The following SLC3A2 variants were observed in gnomAD, a reference collection of about 807,000 sequenced individuals.
SLC3A2 encodes the protein amino acid transporter heavy chain SLC3A2.
A neutral mutation model predicts 48.5 loss-of-function variants in SLC3A2; 32 were observed. The ratio of observed to expected loss-of-function variants is 0.66; its 90% CI spans 0.50 to 0.89. The LOEUF is 0.89. SLC3A2 is among the 40% of genes least tolerant of loss of function. The pLI is 0.00. For synonymous variants in SLC3A2, 277 were observed against 288.8 expected (o/e 0.96, Z 0.41); for missense variants, 587 against 680.7 (o/e 0.86, Z 1.53).
chr11:62,881,551 A>T lies in SLC3A2; in HGVS notation c.424+104A>T. 1 of 1,417,546 alleles carries T rather than the reference A, an allele frequency of 7.1e-7. No individual in the cohort carries two copies. Among genetic ancestry groups the T allele is most frequent in the Non-Finnish European group, 9.3e-7 (1 of 1,080,348 alleles). The allele number at this position is 1,417,546 out of a possible 1,614,324, so 87.8% of individuals were successfully genotyped here. ...ACGGATCTAGATGGTTCTTCCCTCC[A>T]TCCCGTACCGACGACTGTTCCCCCT... is the stretch of plus-strand genomic sequence containing the variant. On this transcript the variant is annotated intron_variant, in intron 1 of 8. Transcript: ENST00000338663. The surrounding 1 kb of genome is among the most constrained non-coding windows in gnomAD (Gnocchi z 4.0).
At chr11:62,870,852 AATAATTATTATTATT>A (rs1348605203) in intron 1 of SLC3A2, 9 of 111,604 alleles carry the variant, frequency 8.1e-5, no homozygotes, top group East Asian at 3.2e-4. Flanking sequence ...TAATAATAAT[AATAATTATTATTATT>A]ATTATTATTA....
Position 62,884,486 on chromosome 11 carries a change from C to A in SLC3A2, c.720C>A (p.Gly240=). The part of the protein sequence containing the change: ...KDALEFWLQA[G]VDGFQVRDIE... Reference sequence around the variant, plus strand: ...CTCTGGAGTTTTGGCTGCAAGCTGGCGTGGATGGGTTCCAGGTTCGGGACA... The same window carrying A: ...CTCTGGAGTTTTGGCTGCAAGCTGGAGTGGATGGGTTCCAGGTTCGGGACA... The change falls in exon 4 of 9, where the codon GGC becomes GGA. Residue 240 remains glycine (G), a synonymous_variant. Coordinates refer to ENST00000338663, the MANE Select transcript of SLC3A2 (RefSeq NM_001013251.3). 2 of 1,614,128 alleles carry A rather than the reference C, an allele frequency of 1.2e-6. No homozygotes were observed. Among genetic ancestry groups the A allele is most frequent in the Non-Finnish European group, 1.7e-6 (2 of 1,180,024 alleles).
At chr11:62,883,139 A>G in intron 3 of SLC3A2, 140 bp downstream of exon 3, 1 of 710,036 alleles carries the variant, frequency 1.4e-6, no homozygotes, top group Non-Finnish European at 2.5e-6. Flanking sequence ...GCCTCCTCCT[A>G]TAGCCAAAGG....
intron 1 of SLC3A2, among the ~76,000 whole-genome samples, chr11:62,859,676 A>G (rs1254656744): frequency 1.3e-5 from 2 of 152,188 alleles, no homozygotes; most frequent in African/African-American, 4.8e-5. Context: ...CTGGGGGACA[A>G]GAGTGAGTCT....
chr11:62,882,182 T>C, intron 2 of SLC3A2, 116 bp downstream of exon 2: 1 of 1,195,452 alleles, frequency 8.4e-7, no homozygotes, highest in Non-Finnish European at 1.2e-6. Context: ...CTAGGGCAGG[T>C]AGAGGGGAGA....
chr11:62,888,434 C>G lies in SLC3A2; in HGVS notation c.1331C>G (p.Ser444Cys). 6.2e-7 allele frequency: 1 copy of G among 1,614,248 alleles called. No individual in the cohort carries two copies. Among genetic ancestry groups the G allele is most frequent in the Non-Finnish European group, 8.5e-7 (1 of 1,180,046 alleles). ...SLLHGDFHAF[S>C]AGPGLFSYIR... ...CTGCATGGGGACTTCCACGCGTTCT[C>G]CGCTGGGCCTGGACTCTTCTCCTAT... Residue 444 changes from serine to cysteine, a missense_variant, in exon 9 of 9, where the codon TCC becomes TGC. Ser to Cys is a moderately radical substitution (Grantham distance 112). Transcript: ENST00000338663.
chr11:62,881,276 C>T lies in SLC3A2; in HGVS notation c.253C>T (p.Leu85=), dbSNP rs73487878. 6,103 of 1,589,912 alleles carry T rather than the reference C, an allele frequency of 3.8e-3. 188 individuals are homozygous for T. The African/African-American group carries it at 0.071, about 19-fold the overall frequency. ...CTGGGTACGCACCCGCTGGGCACTG[C>T]TGCTGCTCTTCTGGCTCGGCTGGCT... ...PGWVRTRWAL[L]LLFWLGWLGM... is the part of the protein sequence containing the mutation. The change falls in exon 1 of 9, where the codon CTG becomes TTG. Residue 85 remains leucine (L), a synonymous_variant. Transcript: ENST00000338663. The surrounding 1 kb of genome is among the most constrained non-coding windows in gnomAD (Gnocchi z 4.0).
chr11:62,866,559 C>G (rs753275963), intron 1 of SLC3A2, among the ~76,000 whole-genome samples: 1 of 151,940 alleles, frequency 6.6e-6, no homozygotes. Flanking sequence ...CCAAACCTGG[C>G]TAATTTTTGT....
chr11:62,873,437 C>A (rs905102524), intron 1 of SLC3A2, among the ~76,000 whole-genome samples: 1 of 150,856 alleles, frequency 6.6e-6, no homozygotes, highest in Admixed American at 6.6e-5. Flanking sequence ...TGCAGTGAGC[C>A]GAGATCGCAC....
At chr11:62,870,384 C>G (rs2085498498) in intron 1 of SLC3A2, among the ~76,000 whole-genome samples, 1 of 150,372 alleles carries the variant, frequency 6.7e-6, no homozygotes, top group Non-Finnish European at 1.5e-5. Flanking sequence ...GTTTTTTTTA[C>G]CATGTTGGCC....
At chr11:62,869,132 C>CA (rs952751265) in intron 1 of SLC3A2, among the ~76,000 whole-genome samples, 2 of 151,798 alleles carry the variant, frequency 1.3e-5, no homozygotes, top group African/African-American at 4.8e-5. Flanking sequence ...CTCCTGACCT[C>CA]AAGTGATCCA....
intron 1 of SLC3A2, among the ~76,000 whole-genome samples, chr11:62,873,098 T>C (rs1046844743): frequency 5.3e-5 from 8 of 151,452 alleles, no homozygotes; most frequent in African/African-American, 1.9e-4. Context: ...CTCAGCTTAC[T>C]GCACCCTCAA....
chr11:62,862,879 C>T (rs919507908), intron 1 of SLC3A2, among the ~76,000 whole-genome samples: 2 of 152,140 alleles, frequency 1.3e-5, no homozygotes, highest in African/African-American at 2.4e-5. Context: ...ATGCAAATGA[C>T]CAGTGCTTGT....
At chr11:62,856,145 C>A in exon 1 of SLC3A2, 1 of 700,686 alleles carries the variant, frequency 1.4e-6, no homozygotes, top group East Asian at 2.8e-5. Context: ...GTGCATGTGG[C>A]AGGAGCGGTG....
Position 62,882,052 on chromosome 11 carries a change from C to T in SLC3A2, c.584C>T (p.Ser195Leu), listed in dbSNP as rs1168689295. Residue 195 changes from serine to leucine, a missense_variant, in exon 2 of 9, where the codon TCG (serine) becomes TTG (leucine). Around this residue, in one of 3 missense-constraint regions of SLC3A2, gnomAD observed 409 missense variants for 446.7 expected, o/e 0.92. Transcript: ENST00000338663. The stretch of plus-strand genomic sequence containing the variant: ...GAAGATTTTGACAGTCTCTTGCAAT[C>T]GGCTAAAAAAAAGAGTGGGTATCCT... ...SKEDFDSLLQ[S>L]AKKKSIRVIL... is the part of the protein sequence containing the mutation. 1.9e-6 allele frequency: 3 copies of T among 1,613,736 alleles called. No individual in the cohort carries two copies. Among genetic ancestry groups the T allele is most frequent in the East Asian group, 2.2e-5 (1 of 44,878 alleles).
upstream of SLC3A2, chr11:62,880,699 A>C (rs1014228093): frequency 1.1e-5 from 3 of 269,458 alleles, no homozygotes; most frequent in Non-Finnish European, 2.1e-5. Context: ...TCCCAGAATC[A>C]GGTTGAAAAG....
rs1419871873 is a variant in SLC3A2, at chr11:62,884,534, CCTTTCCACATTAGGGACAAAG to C, written c.759+13_759+33del. On this transcript the variant is annotated intron_variant, in intron 4 of 8. Transcript: ENST00000338663. ...ACATAGAGAATCTGAAGGTGAGTTC[CCTTTCCACATTAGGGACAAAG>C]CTTGGGCGAGAACAGAGGGACTCAG... The C allele has an allele frequency of 2.5e-6, 4 of 1,614,082 alleles. No homozygotes were observed. The highest frequency in any genetic ancestry group is 1.7e-5 in the Admixed American group (1 of 59,992).
chr11:62,870,794 A>C (rs1167361634), intron 1 of SLC3A2: 1 of 217,358 alleles, frequency 4.6e-6, no homozygotes, highest in Non-Finnish European at 8.9e-6. Context: ...TCTTGGCCTC[A>C]GGTGATCCTC....
chr11:62,868,731 G>A (rs1385393504), intron 1 of SLC3A2, among the ~76,000 whole-genome samples: 1 of 152,124 alleles, frequency 6.6e-6, no homozygotes, highest in Non-Finnish European at 1.5e-5. Flanking sequence ...AACTAATGTT[G>A]CCACTTATGC....
Sources: gnomAD v4.1 joint callset for allele counts (sites outside exome capture counted in the v4.1 genomes callset) on GRCh38, gnomAD v4.1.1 for gene constraint, gnomAD v4.1.1 regional missense constraint, Gnocchi (gnomAD v3.1) non-coding constraint, MANE v1.5 for transcripts, NCBI Gene and HGNC (gene_info 2026-07-23, HGNC 2026-07-21) for gene names.